Variants in IMMP2L observed in about 807,000 individuals in gnomAD.
IMMP2L encodes inner mitochondrial membrane peptidase subunit 2.
In IMMP2L, 18 loss-of-function variants were observed where a neutral mutation model predicts 19.3. The observed-to-expected ratio is 0.93, with a 90% CI of 0.64 to 1.38. IMMP2L has a LOEUF of 1.38. Among genes scored for constraint, IMMP2L ranks in the 40% most tolerant of loss-of-function variants. The probability of loss-of-function intolerance (pLI) is 0.00; values close to 1 mark genes in which losing one functional copy is unlikely to be tolerated. For missense variants in IMMP2L, 233 were observed against 218.2 expected, an observed-to-expected ratio of 1.07 and a Z score of -0.43; for synonymous variants, 76 against 73.0, an observed-to-expected ratio of 1.04 and a Z score of -0.21.
intron 3 of IMMP2L, among the ~76,000 whole-genome samples, chr7:111,019,794 A>T (rs10276691): frequency 6.6e-6 from 1 of 151,702 alleles, no homozygotes; most frequent in Non-Finnish European, 1.5e-5. Context: ...TGTTTATTAT[A>T]CCCAGAAAAA....
chr7:110,716,950 G>A (rs2140884), intron 5 of IMMP2L, among the ~76,000 whole-genome samples: 31,712 of 152,082 alleles, frequency 0.21, 3,508 homozygotes, highest in Admixed American at 0.26. Flanking sequence ...AAAAGAAGAA[G>A]TAAGCATTTA....
chr7:111,558,050 CA>C (rs761339188), intron 1 of IMMP2L, among the ~76,000 whole-genome samples: 1 of 151,536 alleles, frequency 6.6e-6, no homozygotes, highest in Non-Finnish European at 1.5e-5. Flanking sequence ...ATGAAGATGA[CA>C]AAGAAAAAAA....
At chr7:111,315,492 T>G (rs543881240) in intron 3 of IMMP2L, among the ~76,000 whole-genome samples, 2 of 152,104 alleles carry the variant, frequency 1.3e-5, no homozygotes, top group Non-Finnish European at 2.9e-5. Flanking sequence ...AAAATATTTC[T>G]GATGCTTCTG....
rs1562985099 is a variant in IMMP2L, at chr7:111,266,391, T to G, written c.239+220847A>C. On this transcript the variant is annotated intron_variant, in intron 3 of 5. Coordinates refer to ENST00000405709, the MANE Select transcript of IMMP2L (RefSeq NM_032549.4). ...AACCCTGTCCCTATTAAAAATACAG[T>G]AATTAGCCAGGCATGGTGGCATATG... 2.0e-5 allele frequency among the ~76,000 whole-genome samples: 3 copies of G among 151,358 alleles called. No individual in the cohort carries two copies. In the South Asian group the frequency reaches 6.3e-4, roughly 32 times the overall value.
intron 4 of IMMP2L, chr7:110,962,794 A>G: frequency 8.5e-7 from 1 of 1,171,596 alleles, no homozygotes; most frequent in Non-Finnish European, 1.1e-6. Context: ...GTTTTTTTAG[A>G]AAACAGGGTC....
chr7:111,067,478 C>T (rs1216980274), intron 3 of IMMP2L, among the ~76,000 whole-genome samples: 1 of 152,184 alleles, frequency 6.6e-6, no homozygotes, highest in African/African-American at 2.4e-5. Context: ...GCTTCTCCCC[C>T]AGTGGAACTG....
Position 111,448,510 on chromosome 7 carries a change from C to T in IMMP2L, c.239+38728G>A, listed in dbSNP as rs1421702027. ...AAATAAAGATGTTCTTTGAAACCAA[C>T]GAGAACAAAGACACAACATACCAGA... On this transcript the variant is annotated intron_variant, in intron 3 of 5. Transcript: ENST00000405709. Among the ~76,000 whole-genome samples, 14 of 134,442 alleles carry T rather than the reference C, an allele frequency of 1.0e-4. No homozygotes were observed. The East Asian group carries it at 1.8e-3, about 17-fold the overall frequency. The allele number at this position is 134,442 out of a possible 152,430, so 88.2% of individuals were successfully genotyped here.
In IMMP2L at chr7:110,844,020, G is replaced by A. The variant is rs191754144; in HGVS notation, c.408+42573C>T. ...ACTTAGGATCTAAGTGAAGCCTGGA[G>A]CCTTTGGATGGATTCGAGCAGAAGA... On this transcript the variant is annotated intron_variant, in intron 5 of 5. Coordinates refer to ENST00000405709, the MANE Select transcript of IMMP2L (RefSeq NM_032549.4). Among the ~76,000 whole-genome samples, 5 of 152,240 alleles carry A rather than the reference G, an allele frequency of 3.3e-5. No individual in the cohort carries two copies. The East Asian group carries it at 5.8e-4, about 18-fold the overall frequency.
intron 5 of IMMP2L, among the ~76,000 whole-genome samples, chr7:110,782,827 T>C (rs1306448640): frequency 6.6e-6 from 1 of 151,810 alleles, no homozygotes; most frequent in East Asian, 1.9e-4. Context: ...CATAGGAGCA[T>C]AGAAATTACT....
chr7:110,950,866 A>ATATATATG (rs1294842966), intron 4 of IMMP2L, among the ~76,000 whole-genome samples: 4 of 134,806 alleles, frequency 3.0e-5, no homozygotes, highest in Admixed American at 1.4e-4. Flanking sequence ...ATATATATAT[A>ATATATATG]TATATGTATA....
intron 3 of IMMP2L, among the ~76,000 whole-genome samples, chr7:111,409,529 A>T (rs1192315886): frequency 2.0e-5 from 3 of 151,770 alleles, no homozygotes; most frequent in Non-Finnish European, 4.4e-5. Context: ...GTAAAATTAA[A>T]TTACCTAAAG....
At chr7:110,943,025 A>ATGAATCCC (rs1816885857) in intron 4 of IMMP2L, among the ~76,000 whole-genome samples, 1 of 151,988 alleles carries the variant, frequency 6.6e-6, no homozygotes, top group African/African-American at 2.4e-5. Flanking sequence ...GATGGATGTG[A>ATGAATCCC]TGAATCCCTG....
Position 111,056,585 on chromosome 7 carries a change from G to A in IMMP2L, c.240-93020C>T, listed in dbSNP as rs61543979. Among the ~76,000 whole-genome samples, 629 of 152,280 alleles carry A rather than the reference G, an allele frequency of 4.1e-3. 4 individuals carry two copies. The highest frequency in any genetic ancestry group is 0.015 in the African/African-American group (606 of 41,540). On this transcript the variant is annotated intron_variant, in intron 3 of 5. Transcript: ENST00000405709. ...TAGAGTTGCTGACTCTGCACTATCA[G>A]AAATCCATGTATAACTTTTGACTCC...
chr7:111,216,917 A>G (rs971307136), intron 3 of IMMP2L, among the ~76,000 whole-genome samples: 1 of 152,046 alleles, frequency 6.6e-6, no homozygotes, highest in Admixed American at 6.6e-5. Context: ...AGGGTGGGGG[A>G]AAAGAAAAAG....
At chr7:111,365,589 C>G (rs1394463918) in intron 3 of IMMP2L, among the ~76,000 whole-genome samples, 1 of 152,040 alleles carries the variant, frequency 6.6e-6, no homozygotes, top group African/African-American at 2.4e-5. Flanking sequence ...AATACATAAC[C>G]AAAGCTGAAG....
At chr7:111,465,525 A>T in intron 3 of IMMP2L, among the ~76,000 whole-genome samples, 1 of 149,152 alleles carries the variant, frequency 6.7e-6, no homozygotes, top group Non-Finnish European at 1.5e-5. Flanking sequence ...AAAAAAAAAA[A>T]TTAAAAATTA....
chr7:110,999,153 T>C (rs1206817598), intron 3 of IMMP2L, among the ~76,000 whole-genome samples: 1 of 152,144 alleles, frequency 6.6e-6, no homozygotes, highest in Non-Finnish European at 1.5e-5. Flanking sequence ...TTTTCTTCTC[T>C]TGAAGCTTTT....
At chr7:110,734,302 A>G (rs1462689415) in intron 5 of IMMP2L, among the ~76,000 whole-genome samples, 3 of 152,216 alleles carry the variant, frequency 2.0e-5, no homozygotes, top group Non-Finnish European at 4.4e-5. Flanking sequence ...CAGAAATGAG[A>G]AACAACTTAT....
chr7:111,465,501 T>TAAAA (rs757362734), intron 3 of IMMP2L, among the ~76,000 whole-genome samples: 7 of 64,248 alleles, frequency 1.1e-4, no homozygotes, highest in African/African-American at 2.0e-4. Flanking sequence ...CAGGTGTCAC[T>TAAAA]AAAAAAAAAA....
Sources: allele counts gnomAD v4.1 joint callset (sites outside exome capture counted in the v4.1 genomes callset), GRCh38; gene constraint gnomAD v4.1.1; transcripts MANE v1.5; gene names NCBI Gene and HGNC (gene_info 2026-07-23, HGNC 2026-07-21).